SPRED2: variants seen among roughly 807,000 people sequenced by gnomAD.
SPRED2 encodes sprouty-related, EVH1 domain-containing protein 2.
In SPRED2, 47 loss-of-function variants were observed where a neutral mutation model predicts 43.0. The ratio of observed to expected loss-of-function variants is 1.09; its 90% CI spans 0.87 to 1.40. SPRED2 has a LOEUF of 1.40. SPRED2 is among the 40% of genes most tolerant of loss of function. The pLI, the probability that SPRED2 is intolerant of heterozygous loss-of-function variation, is 0.00. For synonymous variants in SPRED2, 225 were observed against 225.7 expected (o/e 1.00, Z 0.03); for missense variants, 561 against 586.4 (o/e 0.96, Z 0.45).
At chr2:65,402,971 T>G (rs1157596953) in intron 1 of SPRED2, among the ~76,000 whole-genome samples, 1 of 152,202 alleles carries the variant, frequency 6.6e-6, no homozygotes, top group Non-Finnish European at 1.5e-5. Flanking sequence ...TTTGGGGCAT[T>G]TTACACTTCT....
At chr2:65,326,269 G>A (rs1673612979) in intron 4 of SPRED2, among the ~76,000 whole-genome samples, 1 of 152,114 alleles carries the variant, frequency 6.6e-6, no homozygotes, top group Admixed American at 6.6e-5. Flanking sequence ...GCCTGAGAGT[G>A]TCTCAGAAGG....
chr2:65,346,791 C>G (rs1674363027), intron 1 of SPRED2, among the ~76,000 whole-genome samples: 1 of 152,192 alleles, frequency 6.6e-6, no homozygotes, highest in Admixed American at 6.5e-5. Flanking sequence ...CCTGACCCCT[C>G]TCACAACCCT....
chr2:65,362,309 G>A (rs1025218946), intron 1 of SPRED2, among the ~76,000 whole-genome samples: 6 of 151,620 alleles, frequency 4.0e-5, no homozygotes, highest in African/African-American at 7.3e-5. Context: ...TCACTCTGTC[G>A]CCCAGGCTGG....
intron 1 of SPRED2, among the ~76,000 whole-genome samples, chr2:65,411,236 G>A (rs369529626): frequency 2.6e-5 from 4 of 152,158 alleles, no homozygotes; most frequent in African/African-American, 9.7e-5. Flanking sequence ...TGTACTTTCT[G>A]GACCCAGGCA....
At chr2:65,362,865 A>G (rs1213627763) in intron 1 of SPRED2, among the ~76,000 whole-genome samples, 8 of 150,656 alleles carry the variant, frequency 5.3e-5, no homozygotes, top group Non-Finnish European at 5.9e-5. Context: ...TTTCAAAAAA[A>G]AAAAGAAAAG....
intron 1 of SPRED2, among the ~76,000 whole-genome samples, chr2:65,386,699 AT>A (rs1461774388): frequency 2.6e-5 from 4 of 152,252 alleles, no homozygotes; most frequent in Admixed American, 6.5e-5. Flanking sequence ...CGGACTATCT[AT>A]ATAAGGAAGG....
At chr2:65,411,391 C>G (rs970780276) in intron 1 of SPRED2, among the ~76,000 whole-genome samples, 1 of 152,118 alleles carries the variant, frequency 6.6e-6, no homozygotes, top group East Asian at 1.9e-4. Flanking sequence ...AATATGGCAT[C>G]GTTTAATAGT....
At position 65,312,918 on chromosome 2, in the gene SPRED2, A is replaced by G. The variant is rs1167333717; in HGVS notation, c.*583T>C. The G allele has an allele frequency of 9.1e-6, 9 of 985,876 alleles. No homozygotes were observed. The highest frequency in any genetic ancestry group is 3.5e-5 in the African/African-American group (2 of 57,366). 61.1% of individuals were successfully genotyped at this position (985,876 alleles called of 1,614,324 possible). A position where few individuals can be genotyped will look rare whatever the true frequency, so the allele number is the denominator to read the frequency against. On this transcript the variant is annotated 3_prime_UTR_variant, in exon 6 of 6. Transcript: ENST00000356388. ...ATTTGGCTTTAGAAAAGTTAAAGCG[A>G]TATTGTTTTGTGGTACAAGTTTGTT...
chr2:65,339,163 C>G lies in SPRED2; in HGVS notation c.205-4390G>C, dbSNP rs1186874607. Among the ~76,000 whole-genome samples, 117 of 144,110 alleles carry G rather than the reference C, an allele frequency of 8.1e-4. 1 individual carries two copies. The Middle Eastern group carries it at 0.011, about 13-fold the overall frequency. The allele number at this position is 144,110 out of a possible 152,430, so 94.5% of individuals were successfully genotyped here. A position where few individuals can be genotyped will look rare whatever the true frequency, so the allele number is the denominator to read the frequency against. On this transcript the variant is annotated intron_variant, in intron 2 of 5. Coordinates refer to ENST00000356388, the MANE Select transcript of SPRED2 (RefSeq NM_181784.3). Reference sequence around the variant, plus strand: ...CCAGGAGCTGAGGGGCGCCTCTGCCCGGCCGCCCCTACTGGGAGGTGGGGA... The same window carrying G: ...CCAGGAGCTGAGGGGCGCCTCTGCCGGGCCGCCCCTACTGGGAGGTGGGGA...
At chr2:65,387,664 T>A (rs1429280068) in intron 1 of SPRED2, among the ~76,000 whole-genome samples, 1 of 152,130 alleles carries the variant, frequency 6.6e-6, no homozygotes, top group Non-Finnish European at 1.5e-5. Flanking sequence ...TTTAAATATA[T>A]AAATGCATTT....
At position 65,313,742 on chromosome 2, in the gene SPRED2, C is replaced by T. The variant is rs1673141445; in HGVS notation, c.1016G>A (p.Arg339Gln). ...GTCCGCGCACCACATGCAGCTCACCCGGCGGATGCAAGTTCTCACGGAGTC... is the reference window on the plus strand; with the variant it reads ...GTCCGCGCACCACATGCAGCTCACCTGGCGGATGCAAGTTCTCACGGAGTC... ...APDSVRTCIR[R>Q]VSCMWCADSM... Residue 339 changes from arginine to glutamine, a missense_variant, in exon 6 of 6, where the codon CGG becomes CAG. By Grantham distance (43) the Arg-to-Gln change is conservative. Coordinates refer to ENST00000356388, the MANE Select transcript of SPRED2 (RefSeq NM_181784.3). 1.9e-6 allele frequency: 3 copies of T among 1,614,090 alleles called. 1 individual carries two copies. The highest frequency in any genetic ancestry group is 2.2e-5 in the South Asian group (2 of 91,088).
rs1673072253 is a variant in SPRED2, at chr2:65,311,716, A to C, written c.*1785T>G. 4.1e-6 allele frequency: 4 copies of C among 985,308 alleles called. No homozygotes were observed. Among genetic ancestry groups the C allele is most frequent in the African/African-American group, 1.7e-5 (1 of 57,220 alleles). 61.0% of individuals were successfully genotyped at this position (985,308 alleles called of 1,614,324 possible). On this transcript the variant is annotated 3_prime_UTR_variant, in exon 6 of 6. Coordinates refer to ENST00000356388, the MANE Select transcript of SPRED2 (RefSeq NM_181784.3). ...CCAAACTGGAAAGCCTAAACCAGTT[A>C]CTCCAATGAATGAAGACGTCTACTA...
chr2:65,342,166 A>ATATATTATGTATGTATATTTTATATATG (rs1674204170), intron 2 of SPRED2, among the ~76,000 whole-genome samples: 7 of 147,480 alleles, frequency 4.7e-5, no homozygotes, highest in African/African-American at 1.2e-4. Flanking sequence ...TTTTATATAC[A>ATATATTATGTATGTATATTTTATATATG]TATATTATGT....
intron 1 of SPRED2, among the ~76,000 whole-genome samples, chr2:65,347,342 A>T (rs572963728): frequency 6.6e-6 from 1 of 152,042 alleles, no homozygotes; most frequent in African/African-American, 2.4e-5. Context: ...ACCCCACTCT[A>T]CTATGCTCAT....
chr2:65,406,501 G>A (rs1251452857), intron 1 of SPRED2, among the ~76,000 whole-genome samples: 1 of 152,170 alleles, frequency 6.6e-6, no homozygotes, highest in Non-Finnish European at 1.5e-5. Context: ...CTTTTAGAAA[G>A]GCAGTGACAA....
chr2:65,366,811 G>A (rs1318136084), intron 1 of SPRED2: 1 of 1,271,442 alleles, frequency 7.9e-7, no homozygotes, highest in Non-Finnish European at 9.9e-7. Context: ...CATTTTATAG[G>A]CCTGTTGTGT....
At chr2:65,429,809 C>T (rs1265743512) in intron 1 of SPRED2, among the ~76,000 whole-genome samples, 2 of 152,224 alleles carry the variant, frequency 1.3e-5, no homozygotes, top group South Asian at 2.1e-4. Flanking sequence ...TAGAACTCCT[C>T]AAATATCTAT....
intron 1 of SPRED2, among the ~76,000 whole-genome samples, chr2:65,431,498 A>C (rs539239841): frequency 6.6e-6 from 1 of 152,260 alleles, no homozygotes; most frequent in East Asian, 1.9e-4. Flanking sequence ...GCGATTCAAG[A>C]AAACGAAATG....
At chr2:65,324,094 T>A (rs1432714398) in intron 4 of SPRED2, among the ~76,000 whole-genome samples, 1 of 151,204 alleles carries the variant, frequency 6.6e-6, no homozygotes, top group African/African-American at 2.4e-5. Context: ...GGTCATAGCA[T>A]TCTAGATGGG....
Sources: allele counts gnomAD v4.1 joint callset (sites outside exome capture counted in the v4.1 genomes callset), GRCh38; gene constraint gnomAD v4.1.1; transcripts MANE v1.5; gene names NCBI Gene and HGNC (gene_info 2026-07-23, HGNC 2026-07-21).